The following NFAT5 variants were observed in gnomAD, a reference collection of about 807,000 sequenced individuals.
The protein encoded by NFAT5 is nuclear factor of activated T-cells 5.
Under a neutral mutation model 166.5 loss-of-function variants are expected in NFAT5, and 31 were observed. That is an observed-to-expected ratio of 0.19 (90% confidence interval 0.14 to 0.25). The LOEUF is 0.25. Ranked by LOEUF, NFAT5 falls within the 10% of genes least tolerant of loss-of-function variation. NFAT5 has a pLI of 1.00. For synonymous variants in NFAT5, 612 were observed against 639.7 expected (o/e 0.96, Z 0.65); for missense variants, 1,449 against 1,821.8 (o/e 0.80, Z 3.72).
intron 2 of NFAT5, among the ~76,000 whole-genome samples, chr16:69,604,088 C>T (rs2033276245): frequency 6.6e-6 from 1 of 152,072 alleles, no homozygotes; most frequent in South Asian, 2.1e-4. Context: ...TAGATAGTAT[C>T]ATTACTCCTA....
intron 2 of NFAT5, among the ~76,000 whole-genome samples, chr16:69,602,447 T>A (rs1190303319): frequency 6.6e-6 from 1 of 152,026 alleles, no homozygotes; most frequent in African/African-American, 2.4e-5. Context: ...TTTGTATTTT[T>A]AGTAGAAATG....
chr16:69,606,493 A>G (rs1258804540), intron 2 of NFAT5, among the ~76,000 whole-genome samples: 1 of 151,398 alleles, frequency 6.6e-6, no homozygotes, highest in African/African-American at 2.4e-5. Flanking sequence ...GTTTTTTTAA[A>G]CTGTGCAGGC....
chr16:69,696,991 A>T lies in NFAT5; in HGVS notation c.*640A>T, dbSNP rs1258936447. On this transcript the variant is annotated 3_prime_UTR_variant, in exon 15 of 15. Transcript: ENST00000349945. ...CTGGGAACAGCTGGAATGCTTCTTG[A>T]TTTTATTTTTTCAGAGAGTTGTTAG... is the stretch of plus-strand genomic sequence containing the variant. 1 of 152,552 alleles carries T rather than the reference A, an allele frequency of 6.6e-6. No individual in the cohort carries two copies. Among genetic ancestry groups the T allele is most frequent in the Non-Finnish European group, 1.5e-5 (1 of 68,008 alleles). The allele number at this position is 152,552 out of a possible 1,614,324, so 9.4% of individuals were successfully genotyped here. A position where few individuals can be genotyped will look rare whatever the true frequency, so the allele number is the denominator to read the frequency against.
intron 2 of NFAT5, among the ~76,000 whole-genome samples, chr16:69,609,504 G>A (rs1484953858): frequency 6.6e-6 from 1 of 152,220 alleles, no homozygotes; most frequent in Non-Finnish European, 1.5e-5. Flanking sequence ...TGTACGGAAA[G>A]TAAGGGAAAC....
At chr16:69,681,663 A>G (rs1664209433) in intron 10 of NFAT5, among the ~76,000 whole-genome samples, 1 of 152,136 alleles carries the variant, frequency 6.6e-6, no homozygotes, top group Admixed American at 6.5e-5. Flanking sequence ...CACGCCTGTA[A>G]TCCCAGCACT....
chr16:69,624,722 A>G (rs913356361), intron 2 of NFAT5, among the ~76,000 whole-genome samples: 2 of 152,108 alleles, frequency 1.3e-5, no homozygotes, highest in Non-Finnish European at 2.9e-5. Flanking sequence ...GTCTCTTACC[A>G]TGGATAAAAT....
intron 2 of NFAT5, among the ~76,000 whole-genome samples, chr16:69,590,411 T>G (rs1385987946): frequency 1.3e-5 from 2 of 152,210 alleles, no homozygotes; most frequent in East Asian, 3.8e-4. Flanking sequence ...AAGTTCAGGA[T>G]TTTTTGCGTA....
At chr16:69,676,898 A>G (rs2036853475) in intron 9 of NFAT5, 1 of 230,096 alleles carries the variant, frequency 4.3e-6, no homozygotes, top group Non-Finnish European at 8.4e-6. Flanking sequence ...AACTGAGTTT[A>G]GTATGTTAAA....
chr16:69,640,451 G>A (rs777914723), intron 3 of NFAT5, among the ~76,000 whole-genome samples: 47 of 152,264 alleles, frequency 3.1e-4, no homozygotes, highest in East Asian at 1.9e-4. Context: ...GTAAGGTGTC[G>A]ACAAAGCAGG....
At chr16:69,642,251 C>T (rs932332386) in intron 3 of NFAT5, among the ~76,000 whole-genome samples, 9 of 152,150 alleles carry the variant, frequency 5.9e-5, no homozygotes, top group Non-Finnish European at 1.2e-4. Flanking sequence ...TTTATAGTTT[C>T]CATCAATTCT....
intron 3 of NFAT5, chr16:69,646,674 G>T (rs1054596794): frequency 3.1e-6 from 1 of 326,728 alleles, no homozygotes. Flanking sequence ...TGGACCACCA[G>T]CATATATTTC....
In NFAT5 at chr16:69,647,839, T is replaced by G. The variant is rs182697725; in HGVS notation, c.812+253T>G. 6.6e-6 allele frequency among the ~76,000 whole-genome samples: 1 copy of G among 152,230 alleles called. No individual in the cohort carries two copies. The highest frequency in any genetic ancestry group is 2.4e-5 in the African/African-American group (1 of 41,542). On this transcript the variant is annotated intron_variant, in intron 4 of 14. Transcript: ENST00000349945. This position sits in a 1 kb window ranked among gnomAD's most constrained non-coding sequence, Gnocchi z 4.8. ...TAGGTAGTAGAAAATGAAAATAATC[T>G]GTTCTGAAATAAATTTCAAATGAAT...
chr16:69,638,197 C>T (rs368354336), intron 3 of NFAT5, among the ~76,000 whole-genome samples: 1 of 151,748 alleles, frequency 6.6e-6, no homozygotes, highest in African/African-American at 2.4e-5. Context: ...CCAGCCTGGG[C>T]GACAGAGTGA....
intron 4 of NFAT5, among the ~76,000 whole-genome samples, chr16:69,652,478 T>G (rs1264319530): frequency 6.8e-6 from 1 of 147,388 alleles, no homozygotes; most frequent in African/African-American, 2.5e-5. Context: ...AAAGGTAGAA[T>G]GCTGGTGCTG....
At chr16:69,612,219 C>T (rs11639947) in intron 2 of NFAT5, among the ~76,000 whole-genome samples, 33,294 of 152,036 alleles carry the variant, frequency 0.22, 3,957 homozygotes, top group East Asian at 0.45. Flanking sequence ...TTGTAAGTAG[C>T]GTACTGCCGA....
At chr16:69,632,772 C>T (rs1208837778) in intron 3 of NFAT5, among the ~76,000 whole-genome samples, 2 of 152,076 alleles carry the variant, frequency 1.3e-5, no homozygotes, top group Admixed American at 1.3e-4. Context: ...AACCCACTAA[C>T]GAGAAAGGTA....
At chr16:69,602,779 GT>G (rs1295362903) in intron 2 of NFAT5, among the ~76,000 whole-genome samples, 32 of 136,314 alleles carry the variant, frequency 2.3e-4, no homozygotes, top group Non-Finnish European at 2.7e-4. Flanking sequence ...TAATTTTTTT[GT>G]TTTTTTTTTT....
At chr16:69,599,967 A>C (rs2033034993) in intron 2 of NFAT5, among the ~76,000 whole-genome samples, 1 of 152,196 alleles carries the variant, frequency 6.6e-6, no homozygotes, top group Admixed American at 6.5e-5. Flanking sequence ...GTTTTTAATG[A>C]ATTATTCTGG....
intron 2 of NFAT5, among the ~76,000 whole-genome samples, chr16:69,624,056 C>T (rs1166886933): frequency 3.3e-5 from 5 of 151,838 alleles, no homozygotes; most frequent in Admixed American, 1.3e-4. Flanking sequence ...CGGCCGTCTA[C>T]TTAAGGCTTT....
Sources: gnomAD v4.1 joint callset for allele counts (sites outside exome capture counted in the v4.1 genomes callset) on GRCh38, gnomAD v4.1.1 for gene constraint, Gnocchi (gnomAD v3.1) non-coding constraint, MANE v1.5 for transcripts, NCBI Gene and HGNC (gene_info 2026-07-23, HGNC 2026-07-21) for gene names.